Variants in UNC13C observed in about 807,000 individuals in gnomAD.
UNC13C encodes the protein unc-13 homolog C.
A neutral mutation model predicts 245.4 loss-of-function variants in UNC13C; 174 were observed. The ratio of observed to expected loss-of-function variants is 0.71; its 90% CI spans 0.63 to 0.80. The LOEUF is 0.80. Among genes scored for constraint, UNC13C ranks in the 30% least tolerant of loss-of-function variants. The pLI, the probability that UNC13C is intolerant of heterozygous loss-of-function variation, is 0.00. For missense variants in UNC13C, 2,829 were observed against 2,602.9 expected (o/e 1.09, Z -1.89); for synonymous variants, 992 against 895.1 (o/e 1.11, Z -1.93).
intron 4 of UNC13C, among the ~76,000 whole-genome samples, chr15:54,205,726 T>G (rs2140733587): frequency 6.6e-6 from 1 of 152,186 alleles, no homozygotes; most frequent in East Asian, 1.9e-4. Context: ...CTCTACTTTT[T>G]GCAGAATTTA....
intron 4 of UNC13C, among the ~76,000 whole-genome samples, chr15:54,185,923 G>T (rs1184569228): frequency 6.6e-6 from 1 of 151,516 alleles, no homozygotes; most frequent in Non-Finnish European, 1.5e-5. Flanking sequence ...TCTTCCATTT[G>T]TTTGTATCCT....
At chr15:54,473,566 A>C (rs1007883208) in intron 19 of UNC13C, among the ~76,000 whole-genome samples, 23 of 151,834 alleles carry the variant, frequency 1.5e-4, no homozygotes, top group Admixed American at 7.9e-4. Flanking sequence ...CCATGAAATC[A>C]GCGATTTTAG....
At chr15:54,141,500 A>G (rs918798503) in intron 2 of UNC13C, among the ~76,000 whole-genome samples, 1 of 152,102 alleles carries the variant, frequency 6.6e-6, no homozygotes, top group Non-Finnish European at 1.5e-5. Context: ...TATTACACTT[A>G]AAGAAGACCC....
intron 4 of UNC13C, among the ~76,000 whole-genome samples, chr15:54,220,244 C>T (rs1298984578): frequency 2.7e-5 from 4 of 150,318 alleles, no homozygotes; most frequent in Non-Finnish European, 5.9e-5. Context: ...GGCACATATA[C>T]ACCATGGAAT....
intron 2 of UNC13C, among the ~76,000 whole-genome samples, chr15:54,077,360 T>C (rs1898682213): frequency 8.7e-6 from 1 of 114,384 alleles, no homozygotes; most frequent in South Asian, 3.2e-4. Flanking sequence ...TTTTTCCTTT[T>C]CTTTTCTTTT....
intron 7 of UNC13C, among the ~76,000 whole-genome samples, chr15:54,240,787 A>G (rs16974357): frequency 0.16 from 24,275 of 152,142 alleles, 2,405 homozygotes; most frequent in African/African-American, 0.27. Context: ...TAGCATCTAA[A>G]TACCATAGCA....
At chr15:53,901,256 G>C in the UNC13C span, among the ~76,000 whole-genome samples, 15 of 124,544 alleles carry the variant, frequency 1.2e-4, no homozygotes, top group Non-Finnish European at 2.0e-4. Flanking sequence ...GTCTCACTCT[G>C]TCATCCAGGC....
intron 4 of UNC13C, among the ~76,000 whole-genome samples, chr15:54,220,085 C>G (rs34718251): frequency 6.9e-6 from 1 of 145,444 alleles, no homozygotes; most frequent in Non-Finnish European, 1.5e-5. Flanking sequence ...ACCCAGCCAT[C>G]CCATTACTGG....
chr15:54,216,034 G>T (rs1248894320), intron 4 of UNC13C, among the ~76,000 whole-genome samples: 3 of 151,932 alleles, frequency 2.0e-5, no homozygotes, highest in Non-Finnish European at 4.4e-5. Context: ...CACAACAAAT[G>T]TACATGGTGA....
intron 30 of UNC13C, among the ~76,000 whole-genome samples, chr15:54,604,922 C>T (rs1441208367): frequency 6.7e-6 from 1 of 149,304 alleles, no homozygotes; most frequent in Non-Finnish European, 1.5e-5. Context: ...AACAAATCTG[C>T]ACTTCCGGCA....
chr15:53,993,631 G>T (rs1314892081), intron 1 of UNC13C, among the ~76,000 whole-genome samples: 3 of 152,054 alleles, frequency 2.0e-5, no homozygotes, highest in Non-Finnish European at 4.4e-5. Flanking sequence ...GCACTGTGGG[G>T]TACCTCTTCC....
intron 18 of UNC13C, among the ~76,000 whole-genome samples, chr15:54,394,921 G>A (rs1175632191): frequency 1.3e-5 from 2 of 151,834 alleles, no homozygotes; most frequent in African/African-American, 4.8e-5. Context: ...GGCAAAAATA[G>A]ATTTAAAATT....
intron 18 of UNC13C, among the ~76,000 whole-genome samples, chr15:54,394,110 T>C (rs79714725): frequency 0.072 from 10,872 of 151,940 alleles, 426 homozygotes; most frequent in Admixed American, 0.12. Flanking sequence ...TCCTCTATAC[T>C]GGTCAAGACC....
At chr15:54,071,031 C>A (rs1236593889) in intron 2 of UNC13C, among the ~76,000 whole-genome samples, 1 of 151,982 alleles carries the variant, frequency 6.6e-6, no homozygotes, top group Non-Finnish European at 1.5e-5. Flanking sequence ...TAATACTATT[C>A]CTATATGAAC....
chr15:54,101,397 T>G (rs995621252), intron 2 of UNC13C, among the ~76,000 whole-genome samples: 1 of 152,222 alleles, frequency 6.6e-6, no homozygotes, highest in Non-Finnish European at 1.5e-5. Context: ...TCTCTCATAG[T>G]TCCTATTCCT....
chr15:54,615,288 C>A (rs2141297019), intron 30 of UNC13C, among the ~76,000 whole-genome samples: 1 of 152,136 alleles, frequency 6.6e-6, no homozygotes, highest in South Asian at 2.1e-4. Flanking sequence ...ATTGTACTAC[C>A]AAAAAGAGGG....
At chr15:53,927,128 A>G in the UNC13C span, among the ~76,000 whole-genome samples, 2 of 152,248 alleles carry the variant, frequency 1.3e-5, no homozygotes, top group African/African-American at 4.8e-5. Context: ...AGTAGATACT[A>G]TTTTTATTCC....
At position 54,277,416 on chromosome 15, in the gene UNC13C, G is replaced by T. The variant is rs199754452; in HGVS notation, c.3818+11920G>T. The stretch of plus-strand genomic sequence containing the variant: ...GATCCATATCATCTTTTTTCACCCT[G>T]TCCTTACAGAACAATGTATAAGGTT... On this transcript the variant is annotated intron_variant, in intron 10 of 32. Coordinates refer to ENST00000260323, the MANE Select transcript of UNC13C (RefSeq NM_001080534.3). 1.7e-4 allele frequency among the ~76,000 whole-genome samples: 26 copies of T among 152,150 alleles called. No homozygotes were observed. The East Asian group carries it at 4.6e-3, about 27-fold the overall frequency.
At chr15:54,213,168 G>A (rs899732268) in intron 4 of UNC13C, among the ~76,000 whole-genome samples, 9 of 151,832 alleles carry the variant, frequency 5.9e-5, no homozygotes, top group African/African-American at 2.2e-4. Context: ...TTTAAAAGAT[G>A]AATATTCCAC....
Sources: gnomAD v4.1 joint callset for allele counts (sites outside exome capture counted in the v4.1 genomes callset) on GRCh38, gnomAD v4.1.1 for gene constraint, MANE v1.5 for transcripts, NCBI Gene and HGNC (gene_info 2026-07-23, HGNC 2026-07-21) for gene names.